CFAP46: variants seen among roughly 807,000 people sequenced by gnomAD.
CFAP46 encodes cilia and flagella associated protein 46, also known as cilia- and flagella-associated protein 46.
Under a neutral mutation model 325.7 loss-of-function variants are expected in CFAP46, and 245 were observed. That is an observed-to-expected ratio of 0.75 (90% confidence interval 0.68 to 0.84). The LOEUF (loss-of-function observed/expected upper bound fraction) is 0.84, where lower values mean the gene tolerates loss of function less well. Ranked by LOEUF, CFAP46 falls within the 40% of genes least tolerant of loss-of-function variation. CFAP46 has a pLI of 0.00. For missense variants in CFAP46, 3,346 were observed against 3,543.0 expected (o/e 0.94, Z 1.41); for synonymous variants, 1,523 against 1,495.9 (o/e 1.02, Z -0.42).
At chr10:132,824,121 GA>G (rs1847971872) in intron 50 of CFAP46, among the ~76,000 whole-genome samples, 8 of 126,682 alleles carry the variant, frequency 6.3e-5, no homozygotes, top group Non-Finnish European at 1.1e-4. Flanking sequence ...TGTGTGCGCT[GA>G]TGTGTGCTGT....
intron 44 of CFAP46, among the ~76,000 whole-genome samples, chr10:132,842,209 T>C (rs1848357706): frequency 6.6e-6 from 1 of 152,260 alleles, no homozygotes; most frequent in South Asian, 2.1e-4. Context: ...ATATTTATTC[T>C]ACCAGATACC....
At chr10:132,913,283 C>G (rs1457235932) in intron 17 of CFAP46, 25 bp from the exon 18 acceptor site, 1 of 1,461,694 alleles carries the variant, frequency 6.8e-7, no homozygotes, top group Non-Finnish European at 9.2e-7. Flanking sequence ...CCACCAAGCC[C>G]TTAATGCAGG....
At chr10:132,915,222 G>A (rs928845661) in intron 17 of CFAP46, among the ~76,000 whole-genome samples, 19 of 152,236 alleles carry the variant, frequency 1.2e-4, no homozygotes, top group African/African-American at 4.3e-4. Context: ...ACCCTCCTCT[G>A]TCTGTGAGCA....
chr10:132,917,918 C>T (rs577054554), intron 16 of CFAP46, among the ~76,000 whole-genome samples: 14 of 137,814 alleles, frequency 1.0e-4, no homozygotes, highest in Non-Finnish European at 1.8e-4. Context: ...CACCGATGAA[C>T]CCCCCTCTCC....
chr10:132,862,142 G>A (rs1343219165), intron 35 of CFAP46, among the ~76,000 whole-genome samples: 2 of 152,240 alleles, frequency 1.3e-5, no homozygotes, highest in Non-Finnish European at 2.9e-5. Flanking sequence ...GTAGGCAGGT[G>A]GGCGACTGGG....
intron 47 of CFAP46, 40 bp from the exon 48 acceptor site, chr10:132,834,815 G>C (rs747964572): frequency 3.1e-6 from 5 of 1,598,738 alleles, no homozygotes; most frequent in Non-Finnish European, 2.6e-6. Context: ...AGCAAACAGG[G>C]CGCATGGCCC....
At position 132,885,858 on chromosome 10, in the gene CFAP46, C is replaced by T. The variant is rs569429805; in HGVS notation, c.3406G>A (p.Glu1136Lys). 8 of 1,550,106 alleles carry T rather than the reference C, an allele frequency of 5.2e-6. No homozygotes were observed. The highest frequency in any genetic ancestry group is 4.9e-5 in the East Asian group (2 of 40,906). Residue 1136 changes from glutamate to lysine, a missense_variant, in exon 26 of 58, where the codon GAG becomes AAG. Physicochemically the swap from Glu to Lys is moderately conservative, Grantham distance 56 (BLOSUM62 1). Coordinates refer to ENST00000368586, the MANE Select transcript of CFAP46 (RefSeq NM_001200049.3). ...GTCCTTGGCAGCACCTGCACAGCCT[C>T]GTCCAGCACCTTGAGGCCGCCCTCC... ...DWEGGLKVLD[E>K]AVQVLPRTAH...
intron 55 of CFAP46, among the ~76,000 whole-genome samples, chr10:132,811,463 C>T (rs988979308): frequency 6.6e-6 from 1 of 152,172 alleles, no homozygotes; most frequent in African/African-American, 2.4e-5. Flanking sequence ...TGTGAGGGGG[C>T]CACATGTCCC....
chr10:132,915,768 C>G (rs1388256737), intron 17 of CFAP46, among the ~76,000 whole-genome samples: 1 of 152,206 alleles, frequency 6.6e-6, no homozygotes, highest in Non-Finnish European at 1.5e-5. Flanking sequence ...CTATAGTTTA[C>G]AGGGATGCTG....
At chr10:132,823,501 G>A (rs1427161547) in intron 50 of CFAP46, among the ~76,000 whole-genome samples, 3 of 128,350 alleles carry the variant, frequency 2.3e-5, no homozygotes, top group Non-Finnish European at 4.9e-5. Context: ...GCTGATGTGT[G>A]CTGTGTGCTG....
chr10:132,882,875 G>A (rs1369226323), intron 27 of CFAP46, among the ~76,000 whole-genome samples: 1 of 152,116 alleles, frequency 6.6e-6, no homozygotes, highest in African/African-American at 2.4e-5. Context: ...GGAGGGCCTT[G>A]GCCCTGATGG....
chr10:132,916,633 G>T lies in CFAP46; in HGVS notation c.2036C>A (p.Ala679Asp). ...CTGGCTCAGGTCTTCGGGGGGGATG[G>T]CCCGGTCATTCAGCTCTACACCTTC... ...RSEGVELNDR[A>D]IPPEDLSQHP... is the part of the protein sequence containing the mutation. The change falls in exon 17 of 58, where the codon GCC becomes GAC. Residue 679 changes from alanine (A) to aspartate (D), a missense_variant. Ala to Asp is a moderately radical substitution (Grantham distance 126). Coordinates refer to ENST00000368586, the MANE Select transcript of CFAP46 (RefSeq NM_001200049.3). 2 of 1,536,926 alleles carry T rather than the reference G, an allele frequency of 1.3e-6. No homozygotes were observed. The highest frequency in any genetic ancestry group is 1.2e-5 in the South Asian group (1 of 82,236).
chr10:132,833,913 G>T, intron 49 of CFAP46, 128 bp downstream of exon 49: 1 of 815,578 alleles, frequency 1.2e-6, no homozygotes. Flanking sequence ...GGAAGGAGCA[G>T]CAGGGCTTGT....
At position 132,840,153 on chromosome 10, in the gene CFAP46, G is replaced by A. The variant is rs1459700610; in HGVS notation, c.6439-3239C>T. 3.3e-5 allele frequency among the ~76,000 whole-genome samples: 5 copies of A among 152,188 alleles called. No homozygotes were observed. In the East Asian group the frequency reaches 5.8e-4, roughly 18 times the overall value. ...AGATTCAATTTCTTTAACAGACACC[G>A]AATCATTTGGATTTTCTACGCTTCT... On this transcript the variant is annotated intron_variant, in intron 44 of 57. Transcript: ENST00000368586.
chr10:132,823,884 T>C (rs570387200), intron 50 of CFAP46, among the ~76,000 whole-genome samples: 549 of 146,364 alleles, frequency 3.8e-3, no homozygotes, highest in African/African-American at 0.013. Context: ...TGATGTGCGC[T>C]GTCTGTGCGC....
At position 132,908,313 on chromosome 10, in the gene CFAP46, G is replaced by A. The variant is rs148339450; in HGVS notation, c.2924+155C>T. 7,363 of 876,496 alleles carry A rather than the reference G, an allele frequency of 8.4e-3. 88 individuals carry two copies. Among genetic ancestry groups the A allele is most frequent in the Middle Eastern group, 0.029 (81 of 2,828 alleles). 54.3% of individuals were successfully genotyped at this position (876,496 alleles called of 1,614,324 possible). On this transcript the variant is annotated intron_variant, in intron 22 of 57. Transcript: ENST00000368586. ...TGGGGACCTGGTGGGGCGCTCACAC[G>A]CGCCCTGATCTGTGATCGCGGCCCA... is the stretch of plus-strand genomic sequence containing the variant.
intron 32 of CFAP46, among the ~76,000 whole-genome samples, chr10:132,872,209 T>TC: frequency 6.6e-6 from 1 of 152,344 alleles, no homozygotes; most frequent in East Asian, 1.9e-4. Context: ...ACAAGAATAT[T>TC]CTCCTAAGGA....
intron 50 of CFAP46, among the ~76,000 whole-genome samples, chr10:132,826,060 A>G (rs28695947): frequency 7.5e-5 from 9 of 120,518 alleles, no homozygotes; most frequent in Non-Finnish European, 6.9e-5. Flanking sequence ...CCGTAGCCAC[A>G]GAGACCAGCC....
At position 132,816,696 on chromosome 10, in the gene CFAP46, T is replaced by C. The variant is rs1847702739; in HGVS notation, c.7118-1782A>G. Among the ~76,000 whole-genome samples the C allele has an allele frequency of 2.6e-5, 4 of 152,210 alleles. No individual in the cohort carries two copies. The South Asian group carries it at 8.3e-4, about 32-fold the overall frequency. Reference sequence around the variant, plus strand: ...TCCTGGCGCTTTTCCTATTCTGACGTTGGCATTTACATCTGCAATACCTTC... The same window carrying C: ...TCCTGGCGCTTTTCCTATTCTGACGCTGGCATTTACATCTGCAATACCTTC... On this transcript the variant is annotated intron_variant, in intron 50 of 57. Transcript: ENST00000368586.
Sources: allele counts gnomAD v4.1 joint callset (sites outside exome capture counted in the v4.1 genomes callset), GRCh38; gene constraint gnomAD v4.1.1; transcripts MANE v1.5; gene names NCBI Gene and HGNC (gene_info 2026-07-23, HGNC 2026-07-21).